Variants in AKR1B1 observed in about 807,000 individuals in gnomAD.
AKR1B1 encodes the protein aldo-keto reductase family 1 member B, also known as aldo-keto reductase family 1 member B1.
A neutral mutation model predicts 40.4 loss-of-function variants in AKR1B1; 22 were observed. That is an observed-to-expected ratio of 0.54 (90% CI 0.39 to 0.78). The LOEUF (loss-of-function observed/expected upper bound fraction) is 0.78, where lower values mean the gene tolerates loss of function less well. AKR1B1 is among the 30% of genes least tolerant of loss of function. The pLI, the probability that AKR1B1 is intolerant of heterozygous loss-of-function variation, is 0.00. For missense variants in AKR1B1, 357 were observed against 396.7 expected (o/e 0.90, Z 0.85); for synonymous variants, 157 against 149.9 (o/e 1.05, Z -0.35).
chr7:134,458,929 C>T (rs1427602863), intron 1 of AKR1B1, 68 bp downstream of exon 1: 2 of 1,523,884 alleles, frequency 1.3e-6, no homozygotes, highest in Non-Finnish European at 1.8e-6. Context: ...ACTCGGGGTC[C>T]CTCGCCAATA....
intron 1 of AKR1B1, among the ~76,000 whole-genome samples, chr7:134,457,487 C>A (rs909740544): frequency 4.6e-5 from 7 of 152,148 alleles, no homozygotes; most frequent in African/African-American, 1.7e-4. Flanking sequence ...TTGGAGGAAA[C>A]AAATCACGTA....
At chr7:134,445,441 C>T in intron 8 of AKR1B1, 121 bp from the exon 9 acceptor site, 1 of 827,830 alleles carries the variant, frequency 1.2e-6, no homozygotes. Flanking sequence ...ATAAACTGAA[C>T]TTAGGAAAAG....
chr7:134,449,185 T>C lies in AKR1B1; in HGVS notation c.430-66A>G, dbSNP rs1022676029. On this transcript the variant is annotated intron_variant, in intron 4 of 9. Transcript: ENST00000285930. ...GAAAGGACAGGATCAGAAGTGTCGTTTGCACCAGTTTAACGGGTCCTGCCC... is the reference window on the plus strand; with the variant it reads ...GAAAGGACAGGATCAGAAGTGTCGTCTGCACCAGTTTAACGGGTCCTGCCC... 86 of 1,605,260 alleles carry C rather than the reference T, an allele frequency of 5.4e-5. 1 individual carries two copies. Among genetic ancestry groups the C allele is most frequent in the Non-Finnish European group, 5.6e-5 (66 of 1,178,092 alleles).
chr7:134,445,769 G>A (rs967915016), intron 8 of AKR1B1, among the ~76,000 whole-genome samples: 11 of 152,362 alleles, frequency 7.2e-5, no homozygotes, highest in African/African-American at 1.9e-4. Flanking sequence ...GATTCCAGCC[G>A]GGAAACTGAA....
At position 134,450,850 on chromosome 7, in the gene AKR1B1, G is replaced by A; in HGVS notation, c.287C>T (p.Thr96Ile). Residue 96 changes from threonine to isoleucine, a missense_variant, in exon 3 of 10, where the codon ACA (threonine) becomes ATA (isoleucine). Thr to Ile is a moderately conservative substitution (Grantham distance 89). Coordinates refer to ENST00000285930, the MANE Select transcript of AKR1B1 (RefSeq NM_001628.4). ...KGLVKGACQKTLSDLKLDYLD... is the reference protein window; with the variant it reads ...KGLVKGACQKILSDLKLDYLD... ...GTAGTCCAGCTTCAGGTCGCTGAGT[G>A]TCTTCTGGCAGGCTCCTTTCACCAG... 6.2e-7 allele frequency: 1 copy of A among 1,614,206 alleles called. No individual in the cohort carries two copies. Among genetic ancestry groups the A allele is most frequent in the Non-Finnish European group, 8.5e-7 (1 of 1,180,034 alleles).
chr7:134,458,652 C>T (rs1044796895), intron 1 of AKR1B1, among the ~76,000 whole-genome samples: 1 of 152,304 alleles, frequency 6.6e-6, no homozygotes, highest in East Asian at 1.9e-4. Flanking sequence ...CCCCGCCTCC[C>T]TCTCGCGTTG....
intron 2 of AKR1B1, 86 bp from the exon 3 acceptor site, chr7:134,450,988 A>C: frequency 1.8e-6 from 2 of 1,093,242 alleles, no homozygotes; most frequent in Non-Finnish European, 2.8e-6. Context: ...CCTCTCCCCA[A>C]AACCCATTTG....
At chr7:134,449,633 T>C in intron 4 of AKR1B1, 87 bp downstream of exon 4, 5 of 1,070,028 alleles carry the variant, frequency 4.7e-6, no homozygotes, top group Non-Finnish European at 7.3e-6. Flanking sequence ...AATAACAAAA[T>C]GCAATGTGAG....
At chr7:134,446,748 G>A (rs1007954108) in intron 8 of AKR1B1, among the ~76,000 whole-genome samples, 4 of 152,234 alleles carry the variant, frequency 2.6e-5, no homozygotes, top group Admixed American at 6.5e-5. Flanking sequence ...TGCAGAGCTG[G>A]TGAATGGACT....
chr7:134,446,377 CCA>C (rs1806096235), intron 8 of AKR1B1, among the ~76,000 whole-genome samples: 1 of 152,234 alleles, frequency 6.6e-6, no homozygotes, highest in African/African-American at 2.4e-5. Flanking sequence ...GGCACTATGG[CCA>C]CAGTCTTTGG....
chr7:134,448,930 A>AATCC, intron 5 of AKR1B1, 67 bp downstream of exon 5: 3 of 1,607,282 alleles, frequency 1.9e-6, no homozygotes, highest in Middle Eastern at 1.7e-4. Context: ...GTGGACGAGA[A>AATCC]ATCCCTACCA....
At position 134,449,374 on chromosome 7, in the gene AKR1B1, C is replaced by A. The variant is rs552334681; in HGVS notation, c.430-255G>T. On this transcript the variant is annotated intron_variant, in intron 4 of 9. Coordinates refer to ENST00000285930, the MANE Select transcript of AKR1B1 (RefSeq NM_001628.4). ...GGCTGAGGCGGGCGGATCACGAGGT[C>A]AGGAGATCAAGACCATCCTGGCTAA... 375 of 573,024 alleles carry A rather than the reference C, an allele frequency of 6.5e-4. 2 individuals are homozygous for A. Among genetic ancestry groups the A allele is most frequent in the Non-Finnish European group, 1.0e-3 (326 of 319,522 alleles). The allele number at this position is 573,024 out of a possible 1,614,324, so 35.5% of individuals were successfully genotyped here. A position where few individuals can be genotyped will look rare whatever the true frequency, so the allele number is the denominator to read the frequency against.
At chr7:134,444,636 A>C (rs1806042543) in intron 9 of AKR1B1, 1 of 160,426 alleles carries the variant, frequency 6.2e-6, no homozygotes, top group South Asian at 1.7e-4. Context: ...TACATGCGTC[A>C]CCTAGTTATT....
At chr7:134,451,858 T>A in intron 1 of AKR1B1, 105 bp from the exon 2 acceptor site, 1 of 1,305,552 alleles carries the variant, frequency 7.7e-7, no homozygotes, top group Non-Finnish European at 1.1e-6. Flanking sequence ...GCCACTTTGT[T>A]CAGCAAAGAC....
chr7:134,458,225 C>T (rs1029342572), intron 1 of AKR1B1, among the ~76,000 whole-genome samples: 1 of 151,476 alleles, frequency 6.6e-6, no homozygotes, highest in Non-Finnish European at 1.5e-5. Flanking sequence ...TTGTCATTCT[C>T]ATCCGGCTAG....
At chr7:134,449,855 C>A in intron 3 of AKR1B1, 58 bp from the exon 4 acceptor site, 1 of 1,408,048 alleles carries the variant, frequency 7.1e-7, no homozygotes, top group Non-Finnish European at 1.0e-6. Context: ...CTTCACAGAC[C>A]TGCTGGGGGA....
rs1806592987 is a variant in AKR1B1, at chr7:134,459,099, G to A, written c.-37C>T. ...TCCCCAGACCCCCGCCCAGTACGGTGCGGCCTTGGCCGCGGCGCGTACCTT... is the reference window on the plus strand; with the variant it reads ...TCCCCAGACCCCCGCCCAGTACGGTACGGCCTTGGCCGCGGCGCGTACCTT... On this transcript the variant is annotated 5_prime_UTR_variant, in exon 1 of 10. Coordinates refer to ENST00000285930, the MANE Select transcript of AKR1B1 (RefSeq NM_001628.4). The A allele has an allele frequency of 7.6e-6, 12 of 1,584,612 alleles. No homozygotes were observed. The Middle Eastern group carries it at 5.0e-4, about 66-fold the overall frequency.
chr7:134,445,258 C>CCA lies in AKR1B1; in HGVS notation c.886_887dup (p.Trp296CysfsTer8). Reference sequence around the variant, plus strand: ...CTCACCTCAACAAGGCACAGACCCTCCAGTTCCTGTTGTAGCTGAGTAAGG... The same window carrying CCA: ...CTCACCTCAACAAGGCACAGACCCTCCACAGTTCCTGTTGTAGCTGAGTAAGG... On this transcript the variant is annotated frameshift_variant, in exon 9 of 10. Transcript: ENST00000285930. LOFTEE classifies it high-confidence loss of function. The CCA allele has an allele frequency of 6.2e-7, 1 of 1,612,338 alleles. No homozygotes were observed. Among genetic ancestry groups the CCA allele is most frequent in the Non-Finnish European group, 8.5e-7 (1 of 1,179,716 alleles).
chr7:134,459,108 GC>G, upstream of AKR1B1: 10 of 1,572,600 alleles, frequency 6.4e-6, no homozygotes, highest in Non-Finnish European at 8.6e-6. Flanking sequence ...TGCGGCCTTG[GC>G]CGCGGCGCGT....
Sources: gnomAD v4.1 joint callset for allele counts (sites outside exome capture counted in the v4.1 genomes callset) on GRCh38, gnomAD v4.1.1 for gene constraint, MANE v1.5 for transcripts, NCBI Gene and HGNC (gene_info 2026-07-23, HGNC 2026-07-21) for gene names.